The following TAS2R30 variants were observed in gnomAD, a reference collection of about 807,000 sequenced individuals.
The protein encoded by TAS2R30 is taste receptor type 2 member 30.
For synonymous variants in TAS2R30, 141 were observed against 131.6 expected (o/e 1.07, Z -0.49); for missense variants, 395 against 371.6 (o/e 1.06, Z -0.52).
chr12:11,133,314 A>G (rs1232951375), exon 1 of TAS2R30: 2 of 1,613,408 alleles, frequency 1.2e-6, no homozygotes, highest in Admixed American at 3.3e-5. Flanking sequence ...CCTCTTGTGA[A>G]TCTATGGAGA....
At chr12:11,133,243 A>T in exon 1 of TAS2R30, 1 of 1,545,792 alleles carries the variant, frequency 6.5e-7, no homozygotes, top group South Asian at 1.3e-5. Flanking sequence ...AAAACCCAGT[A>T]AGAAATATAA....
At position 11,134,332 on chromosome 12, in the gene TAS2R30, T is replaced by C. The variant is rs1946485053; in HGVS notation, c.-88A>G. The stretch of plus-strand genomic sequence containing the variant: ...GAATATCCTGACCTTAAATTCTATA[T>C]GCACCTGATTTGTGTATGTGCTGTG... On this transcript the variant is annotated 5_prime_UTR_variant, in exon 1 of 1. Transcript: ENST00000539585. The C allele has an allele frequency of 4.0e-6, 5 of 1,262,898 alleles. No individual in the cohort carries two copies. In the South Asian group the frequency reaches 8.3e-5, roughly 21 times the overall value. The allele number at this position is 1,262,898 out of a possible 1,614,324, so 78.2% of individuals were successfully genotyped here.
chr12:11,133,542 G>GA, the TAS2R30 span: 6 of 1,554,706 alleles, frequency 3.9e-6, no homozygotes, highest in Non-Finnish European at 4.4e-6. Flanking sequence ...CATAACAGAA[G>GA]AAAGGAGGTC....
exon 1 of TAS2R30, chr12:11,133,201 A>G (rs1163194570): frequency 8.9e-6 from 12 of 1,353,754 alleles, no homozygotes; most frequent in Non-Finnish European, 1.1e-5. Flanking sequence ...CTAGGTATAC[A>G]TGTGGAAATT....
exon 1 of TAS2R30, chr12:11,133,351 C>A (rs377453241): frequency 6.2e-7 from 1 of 1,613,690 alleles, no homozygotes; most frequent in East Asian, 2.2e-5. Context: ...TCACCCAGTA[C>A]CTCACATGCC....
exon 1 of TAS2R30, chr12:11,133,781 G>A (rs1304935806): frequency 5.6e-6 from 9 of 1,613,982 alleles, no homozygotes; most frequent in Non-Finnish European, 7.6e-6. Flanking sequence ...ATATTCTTTT[G>A]TCCATACAGT....
At chr12:11,134,283 T>C (rs1202805976) in exon 1 of TAS2R30, 40 of 1,547,228 alleles carry the variant, frequency 2.6e-5, no homozygotes, top group Non-Finnish European at 3.4e-5. Flanking sequence ...AATGCTGGTG[T>C]AATATCACTG....
Position 11,133,857 on chromosome 12 carries a change from G to T in TAS2R30, c.388C>A (p.Leu130Met), listed in dbSNP as rs1267219302. Residue 130 changes from leucine (L) to methionine (M), a missense_variant, in exon 1 of 1, where the codon CTG becomes ATG. Physicochemically the swap from Leu to Met is conservative, Grantham distance 15. Transcript: ENST00000539585. Reference sequence around the variant, plus strand: ...AGCAAAGGCCCCAACAGTATCACCAGAACAACACTCTTAACTCTCCTCTTT... The same window carrying T: ...AGCAAAGGCCCCAACAGTATCACCATAACAACACTCTTAACTCTCCTCTTT... The T allele has an allele frequency of 5.0e-6, 8 of 1,614,006 alleles. No homozygotes were observed. In the Admixed American group the frequency reaches 6.7e-5, roughly 13 times the overall value.
chr12:11,133,194 G>C (rs1565687766), exon 1 of TAS2R30: 1 of 1,478,250 alleles, frequency 6.8e-7, no homozygotes, highest in Non-Finnish European at 9.0e-7. Context: ...GACTTTTCTA[G>C]GTATACATGT....
chr12:11,134,101 G>C, exon 1 of TAS2R30: 2 of 1,614,140 alleles, frequency 1.2e-6, no homozygotes, highest in Non-Finnish European at 1.7e-6. Context: ...CCAGAGCAGT[G>C]AGAATTTGGT....
At chr12:11,134,039 G>A (rs181542355) in exon 1 of TAS2R30, 1 of 1,614,094 alleles carries the variant, frequency 6.2e-7, no homozygotes, top group East Asian at 2.2e-5. Flanking sequence ...ATTCAACTGA[G>A]TTGCATACCA....
chr12:11,133,878 T>C, exon 1 of TAS2R30: 2 of 1,614,150 alleles, frequency 1.2e-6, no homozygotes, highest in Non-Finnish European at 1.7e-6. Context: ...TTAACTCTCC[T>C]CTTTATGCGA....
chr12:11,133,791 T>C, exon 1 of TAS2R30: 1 of 1,614,156 alleles, frequency 6.2e-7, no homozygotes, highest in Non-Finnish European at 8.5e-7. Context: ...GTCCATACAG[T>C]CTCATCCATG....
At chr12:11,134,483 T>G (rs1170782892) in exon 1 of TAS2R30, 4 of 514,920 alleles carry the variant, frequency 7.8e-6, no homozygotes, top group Non-Finnish European at 1.3e-5. Flanking sequence ...TCAAATTAAC[T>G]GACTCATTCA....
exon 1 of TAS2R30, chr12:11,133,157 A>T: frequency 8.6e-7 from 1 of 1,156,638 alleles, no homozygotes; most frequent in Non-Finnish European, 1.2e-6. Context: ...ATATATATGT[A>T]CTTTTCTAGA....
exon 1 of TAS2R30, chr12:11,133,246 A>G: frequency 1.3e-6 from 2 of 1,548,164 alleles, no homozygotes; most frequent in Non-Finnish European, 1.7e-6. Context: ...ACCCAGTAAG[A>G]AATATAAAAT....
At chr12:11,134,298 T>C (rs1285096942) in exon 1 of TAS2R30, 22 of 1,117,294 alleles carry the variant, frequency 2.0e-5, no homozygotes, top group Non-Finnish European at 2.6e-5. Context: ...TCACTGGTTG[T>C]GATTGCTTGA....
exon 1 of TAS2R30, chr12:11,133,701 G>A (rs79264600): frequency 5.0e-6 from 8 of 1,614,098 alleles, no homozygotes. Context: ...AAGTTTGCTA[G>A]CATGGTTAGA....
exon 1 of TAS2R30, chr12:11,133,714 C>T: frequency 6.2e-7 from 1 of 1,614,140 alleles, no homozygotes. Context: ...TGGTTAGAGT[C>T]ATATTTGAAT....
Sources: allele counts gnomAD v4.1 joint callset, GRCh38; gene constraint gnomAD v4.1.1; transcripts MANE v1.5; gene names NCBI Gene and HGNC (gene_info 2026-07-23, HGNC 2026-07-21).